ZNF813: variants seen among roughly 807,000 people sequenced by gnomAD.
The protein encoded by ZNF813 is zinc finger protein 813.
In ZNF813, 3 loss-of-function variants were observed where a neutral mutation model predicts 7.2. The ratio of observed to expected loss-of-function variants is 0.42; its 90% confidence interval spans 0.19 to 1.08. The LOEUF (loss-of-function observed/expected upper bound fraction) is 1.08. Ranked by LOEUF, ZNF813 falls within the 50% of genes least tolerant of loss-of-function variation. The pLI, the probability that ZNF813 is intolerant of heterozygous loss-of-function variation, is 0.30. For synonymous variants in ZNF813, 227 were observed against 256.3 expected, an observed-to-expected ratio of 0.89 and a Z score of 1.09; for missense variants, 714 against 753.3, an observed-to-expected ratio of 0.95 and a Z score of 0.61.
intron 3 of ZNF813, among the ~76,000 whole-genome samples, chr19:53,488,736 C>A (rs2086445926): frequency 6.6e-6 from 1 of 151,760 alleles, no homozygotes; most frequent in Non-Finnish European, 1.5e-5. Context: ...AATTCTTATT[C>A]CTTATAATGC....
At chr19:53,482,521 G>A (rs73047457) in intron 1 of ZNF813, among the ~76,000 whole-genome samples, 5,437 of 152,080 alleles carry the variant, frequency 0.036, 140 homozygotes, top group Non-Finnish European at 0.052. Context: ...CCTGTCTCTG[G>A]TCATTGTCCC....
chr19:53,470,148 T>A (rs1046003838), intron 1 of ZNF813, among the ~76,000 whole-genome samples: 2 of 88,658 alleles, frequency 2.3e-5, no homozygotes, highest in African/African-American at 5.2e-5. Context: ...TTTCTTTCTT[T>A]CTTTCTTTCT....
rs1459682077 is a variant in ZNF813 at position 53,493,160 on chromosome 19, G to C, written c.*1074G>C. On this transcript the variant is annotated 3_prime_UTR_variant, in exon 4 of 4. Coordinates refer to ENST00000396403, the MANE Select transcript of ZNF813 (RefSeq NM_001004301.4). ...AATCCCAGCACTTTGGGAGGCCAAG[G>C]CGGGTAGATCACTTGAGGTCAGGAG... The C allele has an allele frequency of 4.3e-6, 1 of 233,450 alleles. No homozygotes were observed. Among genetic ancestry groups the C allele is most frequent in the African/African-American group, 2.3e-5 (1 of 43,370 alleles). The allele number at this position is 233,450 out of a possible 1,614,324, so 14.5% of individuals were successfully genotyped here. A position where few individuals can be genotyped will look rare whatever the true frequency, so the allele number is the denominator to read the frequency against.
At chr19:53,474,405 G>A (rs568704785) in intron 1 of ZNF813, among the ~76,000 whole-genome samples, 7 of 151,862 alleles carry the variant, frequency 4.6e-5, no homozygotes, top group Non-Finnish European at 5.9e-5. Context: ...TGGCACTTTC[G>A]TGGCCGGGCG....
chr19:53,480,114 G>C (rs2086400493), intron 1 of ZNF813: 3 of 761,596 alleles, frequency 3.9e-6, no homozygotes, highest in Admixed American at 3.4e-5. Flanking sequence ...CCACCCTGCT[G>C]CTGCTCCTTC....
intron 1 of ZNF813, among the ~76,000 whole-genome samples, chr19:53,468,777 G>T (rs371647441): frequency 1.2e-4 from 18 of 151,918 alleles, no homozygotes; most frequent in African/African-American, 4.1e-4. Context: ...AGAATAGAAC[G>T]AATGGAAATG....
In ZNF813 at chr19:53,495,946, C is replaced by A; in HGVS notation, c.*3860C>A. The A allele has an allele frequency of 2.9e-6, 1 of 346,448 alleles. No homozygotes were observed. The highest frequency in any genetic ancestry group is 7.6e-5 in the East Asian group (1 of 13,142). 21.5% of individuals were successfully genotyped at this position (346,448 alleles called of 1,614,324 possible). On this transcript the variant is annotated 3_prime_UTR_variant, in exon 4 of 4. Coordinates refer to ENST00000396403, the MANE Select transcript of ZNF813 (RefSeq NM_001004301.4). ...CCAAGAAACAAAAGCAAAATCATTC[C>A]ATTCCCCCAGTGGATTCAGATCAAA...
chr19:53,483,975 C>T, intron 2 of ZNF813, 138 bp downstream of exon 2: 6 of 1,554,050 alleles, frequency 3.9e-6, no homozygotes, highest in Non-Finnish European at 4.4e-6. Flanking sequence ...TCCCTCAGTC[C>T]CTCTTTTCTC....
chr19:53,470,167 T>C (rs879853944), intron 1 of ZNF813, among the ~76,000 whole-genome samples: 4,504 of 94,002 alleles, frequency 0.048, 155 homozygotes, highest in East Asian at 0.085. Flanking sequence ...CTTTTTCTTT[T>C]CTTTTCTTTC....
rs759240337 is a variant in ZNF813, at chr19:53,492,439, C to T, written c.*353C>T. 2.4e-5 allele frequency: 10 copies of T among 421,074 alleles called. No homozygotes were observed. Among genetic ancestry groups the T allele is most frequent in the Non-Finnish European group, 4.6e-5 (10 of 219,370 alleles). 26.1% of individuals were successfully genotyped at this position (421,074 alleles called of 1,614,324 possible). A position where few individuals can be genotyped will look rare whatever the true frequency, so the allele number is the denominator to read the frequency against. ...AAACCTTGAAAGACATAAAATAAAT[C>T]ATACTGCAGAGAAACCATAAAATTG... On this transcript the variant is annotated 3_prime_UTR_variant, in exon 4 of 4. Coordinates refer to ENST00000396403, the MANE Select transcript of ZNF813 (RefSeq NM_001004301.4).
intron 1 of ZNF813, among the ~76,000 whole-genome samples, chr19:53,483,109 C>T (rs1226701162): frequency 3.3e-5 from 5 of 151,994 alleles, no homozygotes; most frequent in African/African-American, 4.8e-5. Context: ...GGGGTTTCAC[C>T]ATGTTGGCCA....
At position 53,491,548 on chromosome 19, in the gene ZNF813, A is replaced by G. The variant is rs10422163; in HGVS notation, c.1316A>G (p.Tyr439Cys). The change falls in exon 4 of 4, where the codon TAC becomes TGC. Residue 439 changes from tyrosine to cysteine, a missense_variant. Tyr to Cys is a radical substitution (Grantham distance 194). Coordinates refer to ENST00000396403, the MANE Select transcript of ZNF813 (RefSeq NM_001004301.4). ...HHRLHSGEKP[Y>C]KCTECVKTFS... Reference sequence around the variant, plus strand: ...AGACTTCATAGTGGAGAGAAACCCTACAAGTGTACTGAGTGTGTCAAGACG... The same window carrying G: ...AGACTTCATAGTGGAGAGAAACCCTGCAAGTGTACTGAGTGTGTCAAGACG... 2 of 1,613,592 alleles carry G rather than the reference A, an allele frequency of 1.2e-6. No homozygotes were observed. The highest frequency in any genetic ancestry group is 1.7e-5 in the Admixed American group (1 of 59,982).
chr19:53,490,225 A>G (rs2086452555), intron 3 of ZNF813, 150 bp from the exon 4 acceptor site: 1 of 927,894 alleles, frequency 1.1e-6, no homozygotes, highest in South Asian at 1.8e-5. Context: ...CCCTTTATCT[A>G]ATAAAGAATC....
chr19:53,490,843 A>G lies in ZNF813; in HGVS notation c.611A>G (p.Gln204Arg), dbSNP rs1449325373. 1.2e-6 allele frequency: 2 copies of G among 1,614,198 alleles called. No individual in the cohort carries two copies. Among genetic ancestry groups the G allele is most frequent in the East Asian group, 4.5e-5 (2 of 44,892 alleles). The change falls in exon 4 of 4, where the codon CAA becomes CGA. Residue 204 changes from glutamine (Q) to arginine (R), a missense_variant. Transcript: ENST00000396403. Reference sequence around the variant, plus strand: ...TTCCGGAATTCTTCGTTACTCACACAAAAACAGGAGGTACACATGAGAGAA... The same window carrying G: ...TTCCGGAATTCTTCGTTACTCACACGAAAACAGGAGGTACACATGAGAGAA... ...NNFRNSSLLT[Q>R]KQEVHMREKS...
In ZNF813 at chr19:53,491,264, C is replaced by T; in HGVS notation, c.1032C>T (p.Cys344=). The change falls in exon 4 of 4, where the codon TGC becomes TGT. Residue 344 remains cysteine, a synonymous_variant. Transcript: ENST00000396403. The part of the protein sequence containing the change: ...KTFSQTSSLT[C]HRRLHTGEKP... ...TTAGTCAGACGTCATCCCTTACATG[C>T]CATCGTAGACTTCATACTGGAGAGA... The T allele has an allele frequency of 1.2e-6, 2 of 1,613,984 alleles. No homozygotes were observed. The highest frequency in any genetic ancestry group is 3.3e-5 in the Admixed American group (2 of 60,014).
Position 53,491,393 on chromosome 19 carries a change from ATG to A in ZNF813, c.1164_1165del (p.Cys388TrpfsTer11), listed in dbSNP as rs2086461116. ...TGEKPYKCNE[C>X]GKTFSQELTL... is the part of the protein sequence containing the mutation. ...GAGAGAAACCTTATAAGTGTAATGA[ATG>A]TGGCAAGACCTTCAGTCAGGAGTTA... On this transcript the variant is annotated frameshift_variant, in exon 4 of 4. Transcript: ENST00000396403. LOFTEE classifies it low-confidence loss of function (END_TRUNC). 6.2e-7 allele frequency: 1 copy of A among 1,613,080 alleles called. No individual in the cohort carries two copies. Among genetic ancestry groups the A allele is most frequent in the Admixed American group, 1.7e-5 (1 of 59,980 alleles).
rs765024353 is a variant in ZNF813, at chr19:53,491,765, A to G, written c.1533A>G (p.Ala511=). The change falls in exon 4 of 4, where the codon GCA becomes GCG. Residue 511 remains alanine (A), a synonymous_variant. Coordinates refer to ENST00000396403, the MANE Select transcript of ZNF813 (RefSeq NM_001004301.4). ...GTTTTAATCGGAAAACACACCTTGCATGTCATCATAGACTTCATACTGGAG... is the reference window on the plus strand; with the variant it reads ...GTTTTAATCGGAAAACACACCTTGCGTGTCATCATAGACTTCATACTGGAG... ...GKGFNRKTHL[A]CHHRLHTGEK... is the part of the protein sequence containing the mutation. The G allele has an allele frequency of 4.1e-5, 65 of 1,572,522 alleles. No individual in the cohort carries two copies. The South Asian group carries it at 6.5e-4, about 16-fold the overall frequency.
At chr19:53,490,267 C>A in intron 3 of ZNF813, 108 bp from the exon 4 acceptor site, 1 of 1,268,282 alleles carries the variant, frequency 7.9e-7, no homozygotes, top group South Asian at 1.5e-5. Context: ...CTTTGAAGAT[C>A]ATGTTGGGGA....
chr19:53,475,613 A>G (rs139594416), intron 1 of ZNF813, among the ~76,000 whole-genome samples: 361 of 152,362 alleles, frequency 2.4e-3, no homozygotes, highest in African/African-American at 8.2e-3. Flanking sequence ...CATCAAAGTT[A>G]TGACTCAGTG....
Sources: allele counts gnomAD v4.1 joint callset (sites outside exome capture counted in the v4.1 genomes callset), GRCh38; gene constraint gnomAD v4.1.1; transcripts MANE v1.5; gene names NCBI Gene and HGNC (gene_info 2026-07-23, HGNC 2026-07-21).